Variants in XRRA1 observed in about 807,000 individuals in gnomAD.
XRRA1 encodes the protein X-ray radiation resistance associated 1.
A neutral mutation model predicts 80.2 loss-of-function variants in XRRA1; 69 were observed. The ratio of observed to expected loss-of-function variants is 0.86; its 90% confidence interval spans 0.71 to 1.05. The LOEUF is 1.05. Ranked by LOEUF, XRRA1 falls within the 50% of genes least tolerant of loss-of-function variation. The pLI, the probability that XRRA1 is intolerant of heterozygous loss-of-function variation, is 0.00. For missense variants in XRRA1, 967 were observed against 976.4 expected, an observed-to-expected ratio of 0.99 and a Z score of 0.13; for synonymous variants, 348 against 389.9, an observed-to-expected ratio of 0.89 and a Z score of 1.27.
At chr11:74,861,486 C>T (rs1038589873) in intron 11 of XRRA1, among the ~76,000 whole-genome samples, 1 of 152,186 alleles carries the variant, frequency 6.6e-6, no homozygotes, top group African/African-American at 2.4e-5. Context: ...GATGATCTGT[C>T]ACTGTCTTCC....
intron 15 of XRRA1, among the ~76,000 whole-genome samples, chr11:74,847,164 G>C (rs552849149): frequency 3.9e-5 from 6 of 152,216 alleles, no homozygotes; most frequent in African/African-American, 1.2e-4. Flanking sequence ...GCTCCAAAAA[G>C]GTTCTGAGAT....
intron 3 of XRRA1, 89 bp from the exon 4 acceptor site, chr11:74,937,157 A>G: frequency 2.2e-6 from 3 of 1,335,190 alleles, no homozygotes; most frequent in Non-Finnish European, 3.0e-6. Context: ...ACTAAAACCA[A>G]AAATAGCTCC....
rs752655796 is a variant in XRRA1 at position 74,899,240 on chromosome 11, CAT to C, written c.1003+6997_1003+6998del. ...TGATAATGGACACAACATACCAAAA[CAT>C]ATAAGATACAGCAAAAACAGTACTA... On this transcript the variant is annotated intron_variant, in intron 10 of 18. Transcript: ENST00000684022. Among the ~76,000 whole-genome samples, 8 of 152,048 alleles carry C rather than the reference CAT, an allele frequency of 5.3e-5. No homozygotes were observed. The East Asian group carries it at 1.5e-3, about 29-fold the overall frequency.
At chr11:74,946,275 T>C (rs1434683455) in intron 1 of XRRA1, among the ~76,000 whole-genome samples, 1 of 152,194 alleles carries the variant, frequency 6.6e-6, no homozygotes, top group African/African-American at 2.4e-5. Context: ...GGCACTAACA[T>C]GGTTAGGCTT....
intron 12 of XRRA1, among the ~76,000 whole-genome samples, chr11:74,857,178 C>T (rs912673245): frequency 3.9e-5 from 6 of 152,098 alleles, no homozygotes; most frequent in African/African-American, 1.4e-4. Context: ...AGGATGAAAG[C>T]TGAGGACAAA....
intron 16 of XRRA1, 134 bp downstream of exon 16, chr11:74,844,939 T>C: frequency 1.2e-6 from 1 of 842,066 alleles, no homozygotes; most frequent in Non-Finnish European, 1.9e-6. Context: ...AGGAGCCCTT[T>C]GACAGGTATT....
At chr11:74,879,889 G>A (rs1252879881) in intron 10 of XRRA1, among the ~76,000 whole-genome samples, 2 of 151,892 alleles carry the variant, frequency 1.3e-5, no homozygotes, top group Non-Finnish European at 2.9e-5. Flanking sequence ...GAGGATTTTT[G>A]CATCAATGTT....
chr11:74,865,578 C>G (rs2043220369), intron 10 of XRRA1, among the ~76,000 whole-genome samples: 1 of 152,212 alleles, frequency 6.6e-6, no homozygotes, highest in South Asian at 2.1e-4. Flanking sequence ...AGTCTCAGTT[C>G]TGGTCCCTCT....
At chr11:74,934,035 C>T (rs1321922223) in intron 4 of XRRA1, among the ~76,000 whole-genome samples, 163 bp from the exon 5 acceptor site, 2 of 152,054 alleles carry the variant, frequency 1.3e-5, no homozygotes, top group Non-Finnish European at 2.9e-5. Flanking sequence ...CATTCATTCG[C>T]CAAATATTTA....
At chr11:74,881,555 G>C (rs1409684435) in intron 10 of XRRA1, among the ~76,000 whole-genome samples, 1 of 151,524 alleles carries the variant, frequency 6.6e-6, no homozygotes, top group East Asian at 1.9e-4. Flanking sequence ...TTTCTTCCTA[G>C]TCTCGATGGT....
At chr11:74,863,896 G>C (rs1196447337) in intron 10 of XRRA1, 1 of 152,170 alleles carries the variant, frequency 6.6e-6, no homozygotes, top group Non-Finnish European at 1.5e-5. Flanking sequence ...GCAAGTGTGA[G>C]TGCTAAGCAA....
chr11:74,938,521 T>C (rs1945581719), intron 3 of XRRA1, among the ~76,000 whole-genome samples: 1 of 152,238 alleles, frequency 6.6e-6, no homozygotes. Flanking sequence ...CTTATTCTAG[T>C]ATCTGTGATG....
intron 10 of XRRA1, among the ~76,000 whole-genome samples, chr11:74,884,469 A>G (rs545993084): frequency 5.9e-5 from 9 of 152,198 alleles, no homozygotes; most frequent in Non-Finnish European, 1.0e-4. Flanking sequence ...ATTCCTAACC[A>G]GTTTTTAGTG....
chr11:74,843,338 A>G lies in XRRA1; in HGVS notation c.2265T>C (p.Ser755=). The change falls in exon 19 of 19, where the codon TCT becomes TCC. Residue 755 remains serine (S), a synonymous_variant. Coordinates refer to ENST00000684022, the MANE Select transcript of XRRA1 (RefSeq NM_001378157.1). The part of the protein sequence containing the change: ...QARYRQLVSG[S]LRTVFGTTPL... ...GGGTAGTCCCGAACACTGTGCGCAGAGAGCCACTCACCAGCTGCCGGTAAC... is the reference window on the plus strand; with the variant it reads ...GGGTAGTCCCGAACACTGTGCGCAGGGAGCCACTCACCAGCTGCCGGTAAC... 1.2e-6 allele frequency: 2 copies of G among 1,609,796 alleles called. No individual in the cohort carries two copies. The highest frequency in any genetic ancestry group is 1.3e-5 in the African/African-American group (1 of 74,982).
At chr11:74,881,805 T>C (rs2047670186) in intron 10 of XRRA1, among the ~76,000 whole-genome samples, 1 of 149,518 alleles carries the variant, frequency 6.7e-6, no homozygotes, top group Admixed American at 6.6e-5. Flanking sequence ...GGGTTGAAAA[T>C]TCTTTTCTTT....
At chr11:74,892,979 G>A (rs369626510) in intron 10 of XRRA1, among the ~76,000 whole-genome samples, 172 of 151,974 alleles carry the variant, frequency 1.1e-3, no homozygotes, top group East Asian at 3.7e-3. Context: ...TAGTTCAACC[G>A]TTGTGGAAGT....
At chr11:74,919,318 T>C (rs1043157211) in intron 8 of XRRA1, among the ~76,000 whole-genome samples, 1 of 152,208 alleles carries the variant, frequency 6.6e-6, no homozygotes, top group Non-Finnish European at 1.5e-5. Flanking sequence ...AGATTGGCCA[T>C]GACTTGATAA....
chr11:74,926,590 G>A (rs7125309), intron 7 of XRRA1, among the ~76,000 whole-genome samples: 2,978 of 152,208 alleles, frequency 0.02, 70 homozygotes, highest in African/African-American at 0.068. Context: ...CTCCACATAT[G>A]TTGTCCTTTA....
chr11:74,891,555 G>A (rs750402887), intron 10 of XRRA1, among the ~76,000 whole-genome samples: 21 of 152,172 alleles, frequency 1.4e-4, no homozygotes, highest in Non-Finnish European at 2.9e-4. Context: ...TCTGGCCAGG[G>A]CAATCAGGCA....
Sources: allele counts gnomAD v4.1 joint callset (sites outside exome capture counted in the v4.1 genomes callset), GRCh38; gene constraint gnomAD v4.1.1; transcripts MANE v1.5; gene names NCBI Gene and HGNC (gene_info 2026-07-23, HGNC 2026-07-21).